EPHA5: variants seen among roughly 807,000 people sequenced by gnomAD.
The protein encoded by EPHA5 is ephrin type-A receptor 5.
A neutral mutation model predicts 105.0 loss-of-function variants in EPHA5; 60 were observed. The observed-to-expected ratio is 0.57, with a 90% CI of 0.46 to 0.71. EPHA5 has a LOEUF of 0.71. Among genes scored for constraint, EPHA5 ranks in the 30% least tolerant of loss-of-function variants. The pLI, the probability that EPHA5 is intolerant of heterozygous loss-of-function variation, is 0.00. For synonymous variants in EPHA5, 513 were observed against 449.1 expected (o/e 1.14, Z -1.80); for missense variants, 1,218 against 1,274.7 (o/e 0.96, Z 0.68).
At chr4:65,334,175 A>T (rs1236716967) in intron 15 of EPHA5, among the ~76,000 whole-genome samples, 1 of 151,946 alleles carries the variant, frequency 6.6e-6, no homozygotes, top group East Asian at 1.9e-4. Context: ...CCAACAGTGC[A>T]TTGGCTTCAT....
intron 11 of EPHA5, among the ~76,000 whole-genome samples, chr4:65,356,128 G>A (rs916563002): frequency 6.6e-6 from 1 of 151,456 alleles, no homozygotes; most frequent in African/African-American, 2.4e-5. Context: ...ACTAATCTAT[G>A]TTATCATTAT....
intron 2 of EPHA5, among the ~76,000 whole-genome samples, chr4:65,621,231 T>C (rs1055099857): frequency 5.3e-5 from 8 of 152,156 alleles, no homozygotes; most frequent in Admixed American, 3.9e-4. Flanking sequence ...TTTACACAAA[T>C]TGCCTCATTC....
At chr4:65,623,355 C>G (rs1745867696) in intron 2 of EPHA5, among the ~76,000 whole-genome samples, 1 of 152,076 alleles carries the variant, frequency 6.6e-6, no homozygotes, top group African/African-American at 2.4e-5. Flanking sequence ...CTTTCAATCT[C>G]AACTTCAAAT....
chr4:65,646,711 A>G (rs545784197), intron 1 of EPHA5, among the ~76,000 whole-genome samples: 2 of 152,242 alleles, frequency 1.3e-5, no homozygotes, highest in Non-Finnish European at 2.9e-5. Context: ...TACCAGATAA[A>G]GAATTGTGAA....
chr4:65,455,317 G>GTGGGAAATC (rs775493786), intron 5 of EPHA5, among the ~76,000 whole-genome samples: 5 of 152,138 alleles, frequency 3.3e-5, no homozygotes, highest in Non-Finnish European at 7.4e-5. Flanking sequence ...CTTCTTGTTA[G>GTGGGAAATC]TGGGAAATCA....
chr4:65,580,458 G>A (rs763299902), intron 3 of EPHA5, among the ~76,000 whole-genome samples: 4 of 151,792 alleles, frequency 2.6e-5, no homozygotes, highest in Admixed American at 6.6e-5. Context: ...TTCCAATGAT[G>A]ATCTTCAGTG....
chr4:65,529,769 A>ACT (rs1192522043), intron 3 of EPHA5, among the ~76,000 whole-genome samples: 1 of 152,148 alleles, frequency 6.6e-6, no homozygotes, highest in East Asian at 1.9e-4. Context: ...TCTAGGTAGA[A>ACT]CTCAATACAT....
At chr4:65,441,551 A>G (rs1361686199) in intron 5 of EPHA5, among the ~76,000 whole-genome samples, 1 of 152,062 alleles carries the variant, frequency 6.6e-6, no homozygotes, top group Non-Finnish European at 1.5e-5. Flanking sequence ...AAGAAAGGAA[A>G]AAAGGGAGAG....
intron 3 of EPHA5, among the ~76,000 whole-genome samples, chr4:65,526,558 AG>A (rs1389784255): frequency 6.6e-6 from 1 of 151,878 alleles, no homozygotes. Flanking sequence ...TTAGAATATT[AG>A]GGTGTAAAAT....
At chr4:65,663,766 A>G (rs1749738409) in intron 1 of EPHA5, among the ~76,000 whole-genome samples, 1 of 152,018 alleles carries the variant, frequency 6.6e-6, no homozygotes, top group Non-Finnish European at 1.5e-5. Flanking sequence ...GATAAGAATA[A>G]TTGCAATGAA....
intron 1 of EPHA5, among the ~76,000 whole-genome samples, chr4:65,646,298 T>G (rs533485800): frequency 6.6e-6 from 1 of 152,308 alleles, no homozygotes; most frequent in South Asian, 2.1e-4. Context: ...CTCACGCCTA[T>G]GAACCTAGCC....
intron 2 of EPHA5, among the ~76,000 whole-genome samples, chr4:65,632,553 A>T (rs1262035910): frequency 6.6e-6 from 1 of 151,114 alleles, no homozygotes; most frequent in Admixed American, 6.6e-5. Context: ...AAAAAAAAAA[A>T]TCTGCAGCCT....
Position 65,393,068 on chromosome 4 carries a change from T to C in EPHA5, c.1793+11306A>G, listed in dbSNP as rs543721181. On this transcript the variant is annotated intron_variant, in intron 8 of 16. Transcript: ENST00000613740. ...TAAAGGGATTGAGGAAATTTCTTTT[T>C]CCTCTATTCATGACAGAAAGTTTGA... Among the ~76,000 whole-genome samples, 186 of 152,306 alleles carry C rather than the reference T, an allele frequency of 1.2e-3. 1 individual carries two copies. The highest frequency in any genetic ancestry group is 4.1e-3 in the African/African-American group (171 of 41,568).
intron 2 of EPHA5, among the ~76,000 whole-genome samples, chr4:65,642,607 A>G (rs1401451337): frequency 6.6e-6 from 1 of 152,044 alleles, no homozygotes; most frequent in African/African-American, 2.4e-5. Context: ...ACAAATTATT[A>G]TGAATTAGAA....
Position 65,435,864 on chromosome 4 carries a change from G to C in EPHA5, c.1403-15299C>G, listed in dbSNP as rs1051437406. ...CCACAATTGGTGGATTCAATTATCT[G>C]ACTGCATATTGAACATCTCCAATTA... On this transcript the variant is annotated intron_variant, in intron 5 of 16. Transcript: ENST00000613740. Among the ~76,000 whole-genome samples the C allele has an allele frequency of 3.3e-5, 5 of 152,104 alleles. 1 individual carries two copies. Among genetic ancestry groups the C allele is most frequent in the African/African-American group, 1.2e-4 (5 of 41,540 alleles).
chr4:65,618,276 G>A (rs970484557), intron 2 of EPHA5, among the ~76,000 whole-genome samples: 2 of 152,076 alleles, frequency 1.3e-5, no homozygotes, highest in East Asian at 3.9e-4. Context: ...CTGATAAGCT[G>A]TAGAATTTCA....
intron 2 of EPHA5, among the ~76,000 whole-genome samples, chr4:65,608,866 T>C (rs1369440963): frequency 6.6e-6 from 1 of 152,206 alleles, no homozygotes; most frequent in African/African-American, 2.4e-5. Flanking sequence ...AAATCTGTGC[T>C]TATAAATTAT....
At chr4:65,426,250 T>C (rs906861733) in intron 5 of EPHA5, among the ~76,000 whole-genome samples, 2 of 152,208 alleles carry the variant, frequency 1.3e-5, no homozygotes, top group Admixed American at 1.3e-4. Context: ...TTCATGGACA[T>C]GACCTTCTAT....
intron 3 of EPHA5, among the ~76,000 whole-genome samples, chr4:65,527,178 A>G (rs1237782021): frequency 6.6e-6 from 1 of 152,160 alleles, no homozygotes; most frequent in Non-Finnish European, 1.5e-5. Context: ...TAACATTCAC[A>G]TATATGTTGA....
Sources: gnomAD v4.1 joint callset for allele counts (sites outside exome capture counted in the v4.1 genomes callset) on GRCh38, gnomAD v4.1.1 for gene constraint, MANE v1.5 for transcripts, NCBI Gene and HGNC (gene_info 2026-07-23, HGNC 2026-07-21) for gene names.